Variants in SLC12A7 observed in about 807,000 individuals in gnomAD.
SLC12A7 encodes the protein K-Cl cotransporter 4.
In SLC12A7, 100 loss-of-function variants were observed where a neutral mutation model predicts 120.6. That is an observed-to-expected ratio of 0.83 (90% CI 0.71 to 0.98). The LOEUF (loss-of-function observed/expected upper bound fraction) is 0.98. SLC12A7 is among the 50% of genes least tolerant of loss of function. The pLI, the probability that SLC12A7 is intolerant of heterozygous loss-of-function variation, is 0.00. For synonymous variants in SLC12A7, 760 were observed against 678.0 expected, an observed-to-expected ratio of 1.12 and a Z score of -1.88; for missense variants, 1,373 against 1,548.1, an observed-to-expected ratio of 0.89 and a Z score of 1.90.
intron 5 of SLC12A7, among the ~76,000 whole-genome samples, chr5:1,087,623 C>T (rs1205460595): frequency 1.3e-5 from 2 of 152,210 alleles, no homozygotes; most frequent in African/African-American, 2.4e-5. Context: ...TCGTGCTCTC[C>T]TGAGGCCGGG....
chr5:1,065,914 C>T (rs770928076), intron 17 of SLC12A7, among the ~76,000 whole-genome samples: 3 of 151,620 alleles, frequency 2.0e-5, no homozygotes, highest in Non-Finnish European at 4.4e-5. Context: ...AGCACCCTAA[C>T]AGCAACGGCG....
rs117576772 is a variant in SLC12A7, at chr5:1,055,940, G to A, written c.3026+1531C>T. Among the ~76,000 whole-genome samples, 1,497 of 152,298 alleles carry A rather than the reference G, an allele frequency of 9.8e-3. 21 individuals are homozygous for A. Among genetic ancestry groups the A allele is most frequent in the East Asian group, 0.044 (225 of 5,166 alleles). On this transcript the variant is annotated intron_variant, in intron 22 of 23. Coordinates refer to ENST00000264930, the MANE Select transcript of SLC12A7 (RefSeq NM_006598.3). ...GGAAGTGTGGCCACTCAGCCAAGGC[G>A]TTCCTCACTCAGGCACCAGGCACTG...
the SLC12A7 span, among the ~76,000 whole-genome samples, chr5:1,130,230 C>T: frequency 1.3e-5 from 2 of 152,186 alleles, no homozygotes; most frequent in East Asian, 1.9e-4. Flanking sequence ...CCGCACCACT[C>T]GCTTCAGTCG....
In SLC12A7 at chr5:1,077,853, CG is replaced by C; in HGVS notation, c.1608del (p.Asp536GlufsTer25). Reference protein sequence around the residue: ...APRLLQAIARDGIVPFLQVFG... With the variant: ...APRLLQAIARXGIVPFLQVFG... ...CTCACCTGCAGGAAGGGGACGATGC[CG>C]TCACGGGCAATGGCCTGCAGTAGGC... On this transcript the variant is annotated frameshift_variant, in exon 12 of 24. Coordinates refer to ENST00000264930, the MANE Select transcript of SLC12A7 (RefSeq NM_006598.3). LOFTEE classifies it high-confidence loss of function. The C allele has an allele frequency of 6.3e-7, 1 of 1,591,746 alleles. No homozygotes were observed. The highest frequency in any genetic ancestry group is 1.1e-5 in the South Asian group (1 of 87,820).
At chr5:1,107,017 G>A (rs1742579196) in intron 1 of SLC12A7, among the ~76,000 whole-genome samples, 1 of 152,212 alleles carries the variant, frequency 6.6e-6, no homozygotes, top group Admixed American at 6.5e-5. Context: ...GAAGGTAAAT[G>A]TGCAGAGTCA....
chr5:1,062,740 G>A (rs1402175116), intron 20 of SLC12A7, among the ~76,000 whole-genome samples: 2 of 152,074 alleles, frequency 1.3e-5, no homozygotes, highest in Non-Finnish European at 2.9e-5. Context: ...TGGAGAGACC[G>A]CACCTCCCAG....
the SLC12A7 span, among the ~76,000 whole-genome samples, chr5:1,142,239 A>T: frequency 7.8e-5 from 11 of 141,570 alleles, no homozygotes; most frequent in Admixed American, 4.1e-4. Flanking sequence ...TGCCCCCATA[A>T]TCAGGAGGAA....
chr5:1,137,597 T>G, the SLC12A7 span, among the ~76,000 whole-genome samples: 1 of 152,158 alleles, frequency 6.6e-6, no homozygotes, highest in Non-Finnish European at 1.5e-5. Flanking sequence ...CCCGTTCCCC[T>G]CCGGGTGGTC....
intron 1 of SLC12A7, among the ~76,000 whole-genome samples, chr5:1,102,223 G>A (rs1167847395): frequency 6.6e-6 from 1 of 152,188 alleles, no homozygotes; most frequent in East Asian, 1.9e-4. Flanking sequence ...TCCAGCCAGA[G>A]AGGCAGTGAG....
At chr5:1,146,692 C>G in the SLC12A7 span, among the ~76,000 whole-genome samples, 2 of 152,210 alleles carry the variant, frequency 1.3e-5, no homozygotes, top group Non-Finnish European at 2.9e-5. The surrounding 1 kb of genome is among the most constrained non-coding windows in gnomAD (Gnocchi z 6.5). Context: ...ACAATCTCTT[C>G]TCTCTGGAGC....
the SLC12A7 span, among the ~76,000 whole-genome samples, chr5:1,127,248 C>T: frequency 9.2e-5 from 14 of 152,146 alleles, no homozygotes; most frequent in African/African-American, 1.4e-4. Context: ...CTCTTGACTT[C>T]GTGATCCACC....
In SLC12A7 at chr5:1,064,187, GA is replaced by G. The variant is rs1244627328; in HGVS notation, c.2502del (p.Pro835ArgfsTer57). ...CCGCCGAAGCGCTCCTGGTTTTGCG[GA>G]AACGAGTCGACGTTCTTGGCCACCA... ...ALLVAKNVDS[F>X]PQNQERFGGG... On this transcript the variant is annotated frameshift_variant, in exon 19 of 24. Coordinates refer to ENST00000264930, the MANE Select transcript of SLC12A7 (RefSeq NM_006598.3). LOFTEE classifies it high-confidence loss of function. 6.2e-7 allele frequency: 1 copy of G among 1,612,392 alleles called. No individual in the cohort carries two copies. Among genetic ancestry groups the G allele is most frequent in the African/African-American group, 1.3e-5 (1 of 75,052 alleles).
intron 23 of SLC12A7, 145 bp downstream of exon 23, chr5:1,053,204 G>C: frequency 9.4e-7 from 1 of 1,066,676 alleles, no homozygotes; most frequent in Non-Finnish European, 1.3e-6. Context: ...GAGCCCCACT[G>C]CATCCCGGTC....
the SLC12A7 span, among the ~76,000 whole-genome samples, chr5:1,137,916 G>A: frequency 6.6e-6 from 1 of 152,216 alleles, no homozygotes; most frequent in African/African-American, 2.4e-5. Context: ...ACCCTAAGGG[G>A]GTCCAGTGAG....
chr5:1,117,181 TG>T, the SLC12A7 span, among the ~76,000 whole-genome samples: 1 of 151,956 alleles, frequency 6.6e-6, no homozygotes, highest in African/African-American at 2.4e-5. This position sits in a 1 kb window ranked among gnomAD's most constrained non-coding sequence, Gnocchi z 4.5. Flanking sequence ...CTGAGCAGGC[TG>T]GGGTGAGCTG....
chr5:1,059,150 C>T (rs1735927415), intron 21 of SLC12A7, among the ~76,000 whole-genome samples: 1 of 152,254 alleles, frequency 6.6e-6, no homozygotes, highest in African/African-American at 2.4e-5. Context: ...CTCCCAGACA[C>T]TCCCGGCTGC....
chr5:1,051,701 T>C lies in SLC12A7; in HGVS notation c.*659A>G. The C allele has an allele frequency of 6.6e-6, 1 of 152,512 alleles. No individual in the cohort carries two copies. Among genetic ancestry groups the C allele is most frequent in the Non-Finnish European group, 1.5e-5 (1 of 68,172 alleles). The allele number at this position is 152,512 out of a possible 1,614,324, so 9.4% of individuals were successfully genotyped here. A position where few individuals can be genotyped will look rare whatever the true frequency, so the allele number is the denominator to read the frequency against. On this transcript the variant is annotated 3_prime_UTR_variant, in exon 24 of 24. Coordinates refer to ENST00000264930, the MANE Select transcript of SLC12A7 (RefSeq NM_006598.3). ...CACACCCGACAGATGATCCACCACG[T>C]TCTGGAAAAGCCGAGTTCCCTTTCC...
At chr5:1,136,720 G>A in the SLC12A7 span, among the ~76,000 whole-genome samples, 1 of 135,382 alleles carries the variant, frequency 7.4e-6, no homozygotes, top group Non-Finnish European at 1.6e-5. Flanking sequence ...AGGACACGCA[G>A]GCACACGTGT....
intron 1 of SLC12A7, among the ~76,000 whole-genome samples, chr5:1,095,059 T>TAGGAGGCGGGGCCGGG (rs1740985056): frequency 1.3e-5 from 1 of 74,084 alleles, no homozygotes; most frequent in African/African-American, 3.5e-5. Context: ...GCGGGGCCGG[T>TAGGAGGCGGGGCCGGG]AGGAGGTGGG....
Sources: allele counts gnomAD v4.1 joint callset (sites outside exome capture counted in the v4.1 genomes callset), GRCh38; gene constraint gnomAD v4.1.1; non-coding constraint Gnocchi (gnomAD v3.1); transcripts MANE v1.5; gene names NCBI Gene and HGNC (gene_info 2026-07-23, HGNC 2026-07-21).